Variants in VWA3B observed in about 807,000 individuals in gnomAD.
VWA3B encodes the protein von Willebrand factor A domain-containing protein 3B.
Under a neutral mutation model 158.3 loss-of-function variants are expected in VWA3B, and 138 were observed. The observed-to-expected ratio is 0.87, with a 90% CI of 0.76 to 1.00. The LOEUF (loss-of-function observed/expected upper bound fraction) is 1.00. VWA3B is among the 50% of genes least tolerant of loss of function. The pLI, the probability that VWA3B is intolerant of heterozygous loss-of-function variation, is 0.00. For missense variants in VWA3B, 1,555 were observed against 1,565.1 expected, an observed-to-expected ratio of 0.99 and a Z score of 0.11; for synonymous variants, 596 against 587.3, an observed-to-expected ratio of 1.01 and a Z score of -0.21.
At chr2:98,154,970 C>A (rs1210312563) in intron 7 of VWA3B, among the ~76,000 whole-genome samples, 1 of 152,162 alleles carries the variant, frequency 6.6e-6, no homozygotes, top group Non-Finnish European at 1.5e-5. Flanking sequence ...ATTTGGAAGT[C>A]TCGACCAGGT....
the VWA3B span, among the ~76,000 whole-genome samples, chr2:98,320,969 G>A: frequency 2.0e-4 from 30 of 152,190 alleles, no homozygotes; most frequent in Non-Finnish European, 3.8e-4. Flanking sequence ...GCCTAGAGGC[G>A]TAGGACGGAA....
At chr2:98,169,820 GTTAAAGGATT>G (rs1362272066) in intron 8 of VWA3B, among the ~76,000 whole-genome samples, 10 of 151,158 alleles carry the variant, frequency 6.6e-5, no homozygotes, top group Non-Finnish European at 1.5e-5. Context: ...CTCACAAAAC[GTTAAAGGATT>G]TGTCCAGGCT....
At chr2:98,217,079 G>T in intron 13 of VWA3B, 1 of 923,790 alleles carries the variant, frequency 1.1e-6, no homozygotes, top group Non-Finnish European at 1.4e-6. Flanking sequence ...CAGAGGGTGG[G>T]GGTTCCCCTC....
chr2:98,239,041 A>G (rs1202759980), intron 19 of VWA3B, among the ~76,000 whole-genome samples: 2 of 152,236 alleles, frequency 1.3e-5, no homozygotes, highest in Non-Finnish European at 2.9e-5. Flanking sequence ...ACCGATAAAC[A>G]GTAATGGCAA....
chr2:98,238,472 C>T (rs763867155), intron 19 of VWA3B, among the ~76,000 whole-genome samples: 1 of 151,926 alleles, frequency 6.6e-6, no homozygotes, highest in Non-Finnish European at 1.5e-5. Flanking sequence ...TTATTTGGGA[C>T]GAAATATATT....
At chr2:98,282,966 A>G (rs1449463750) in intron 22 of VWA3B, among the ~76,000 whole-genome samples, 1 of 152,222 alleles carries the variant, frequency 6.6e-6, no homozygotes, top group Non-Finnish European at 1.5e-5. Context: ...TCTCTATCAG[A>G]AGAATTGGGA....
chr2:98,296,584 T>C (rs1689812685), intron 23 of VWA3B, among the ~76,000 whole-genome samples: 1 of 152,212 alleles, frequency 6.6e-6, no homozygotes, highest in Non-Finnish European at 1.5e-5. Flanking sequence ...AGCTATCTCT[T>C]TGCCCCATGA....
chr2:98,199,036 G>A (rs543302938), intron 12 of VWA3B, among the ~76,000 whole-genome samples: 12 of 150,718 alleles, frequency 8.0e-5, no homozygotes, highest in African/African-American at 2.0e-4. Flanking sequence ...CCAGTGAGCC[G>A]AGATGGCGCC....
chr2:98,183,969 A>G (rs1039387947), intron 9 of VWA3B, among the ~76,000 whole-genome samples: 4 of 152,202 alleles, frequency 2.6e-5, no homozygotes, highest in Non-Finnish European at 5.9e-5. Context: ...GCATTTATGG[A>G]ACGCTTCTAT....
chr2:98,322,731 A>G, the VWA3B span, among the ~76,000 whole-genome samples: 2 of 152,190 alleles, frequency 1.3e-5, no homozygotes, highest in African/African-American at 4.8e-5. Context: ...ACAGATGGAA[A>G]TTTAAGCAAG....
intron 14 of VWA3B, among the ~76,000 whole-genome samples, chr2:98,222,345 A>G (rs1684581473): frequency 1.3e-5 from 2 of 152,222 alleles, no homozygotes; most frequent in African/African-American, 4.8e-5. Flanking sequence ...TGAAAGTGAA[A>G]TTGATCTGTA....
intron 2 of VWA3B, among the ~76,000 whole-genome samples, chr2:98,110,214 A>T (rs1234868333): frequency 6.6e-6 from 1 of 150,576 alleles, no homozygotes; most frequent in Admixed American, 6.6e-5. Context: ...TTCTCAGGCT[A>T]TTTTTTCCCT....
chr2:98,179,379 G>A (rs1225970651), intron 8 of VWA3B: 1 of 467,168 alleles, frequency 2.1e-6, no homozygotes, highest in Admixed American at 2.4e-5. Flanking sequence ...GAATGTGCCT[G>A]AGGCTGGAGA....
At chr2:98,230,388 G>C (rs1289933506) in intron 16 of VWA3B, among the ~76,000 whole-genome samples, 181 bp downstream of exon 16, 2 of 152,112 alleles carry the variant, frequency 1.3e-5, no homozygotes, top group Non-Finnish European at 2.9e-5. Context: ...GCTTCATCCT[G>C]TTTCCCCAAT....
intron 1 of VWA3B, among the ~76,000 whole-genome samples, chr2:98,088,275 G>T (rs1386396187): frequency 6.6e-6 from 1 of 152,194 alleles, no homozygotes; most frequent in Non-Finnish European, 1.5e-5. Context: ...TGATAATAAA[G>T]TAGCTAGAAG....
chr2:98,115,087 A>G (rs1674419032), intron 2 of VWA3B, among the ~76,000 whole-genome samples: 1 of 150,172 alleles, frequency 6.7e-6, no homozygotes, highest in Admixed American at 6.6e-5. Context: ...AGTCACGAAT[A>G]ACTTCCTATG....
At chr2:98,186,565 T>A (rs1256585332) in intron 9 of VWA3B, among the ~76,000 whole-genome samples, 2 of 151,932 alleles carry the variant, frequency 1.3e-5, no homozygotes, top group African/African-American at 4.8e-5. Flanking sequence ...CCCTTTCCCG[T>A]CCCGGCCTGA....
chr2:98,169,167 A>T (rs1679362760), intron 8 of VWA3B, among the ~76,000 whole-genome samples: 1 of 152,228 alleles, frequency 6.6e-6, no homozygotes, highest in Admixed American at 6.5e-5. Context: ...AAATGAAAAG[A>T]CGGTGGGGCA....
chr2:98,127,853 C>G (rs1176368573), intron 5 of VWA3B, among the ~76,000 whole-genome samples: 1 of 152,196 alleles, frequency 6.6e-6, no homozygotes, highest in Non-Finnish European at 1.5e-5. Flanking sequence ...TTGTAGGATT[C>G]TGGCACTGCC....
Sources: allele counts gnomAD v4.1 joint callset (sites outside exome capture counted in the v4.1 genomes callset), GRCh38; gene constraint gnomAD v4.1.1; transcripts MANE v1.5; gene names NCBI Gene and HGNC (gene_info 2026-07-23, HGNC 2026-07-21).